CDH4: variants seen among roughly 807,000 people sequenced by gnomAD.
CDH4 encodes cadherin-4.
Under a neutral mutation model 86.0 loss-of-function variants are expected in CDH4, and 33 were observed. The observed-to-expected ratio is 0.38, with a 90% CI of 0.29 to 0.51. CDH4 has a LOEUF of 0.51. Among genes scored for constraint, CDH4 ranks in the 20% least tolerant of loss-of-function variants. The probability of loss-of-function intolerance (pLI) is 0.86; values close to 1 mark genes in which losing one functional copy is unlikely to be tolerated. For missense variants in CDH4, 1,114 were observed against 1,307.4 expected, an observed-to-expected ratio of 0.85 and a Z score of 2.28; for synonymous variants, 555 against 549.4, an observed-to-expected ratio of 1.01 and a Z score of -0.14.
intron 2 of CDH4, among the ~76,000 whole-genome samples, chr20:61,560,475 C>A (rs1010947227): frequency 1.3e-5 from 2 of 152,218 alleles, no homozygotes; most frequent in Non-Finnish European, 2.9e-5. Flanking sequence ...GGAAGTTATC[C>A]TGAAGATGCT....
intron 2 of CDH4, among the ~76,000 whole-genome samples, chr20:61,394,581 C>T: frequency 6.6e-6 from 1 of 151,686 alleles, no homozygotes; most frequent in East Asian, 2.0e-4. Context: ...CCGAAGAGAG[C>T]ACCAGGGCGG....
chr20:61,308,426 G>A (rs2084428902), intron 2 of CDH4, among the ~76,000 whole-genome samples: 1 of 152,218 alleles, frequency 6.6e-6, no homozygotes, highest in African/African-American at 2.4e-5. Flanking sequence ...AGGGCGAGGT[G>A]AAGTCGGTGA....
chr20:61,583,706 G>A (rs1214861653), intron 2 of CDH4, among the ~76,000 whole-genome samples: 1 of 152,176 alleles, frequency 6.6e-6, no homozygotes, highest in Non-Finnish European at 1.5e-5. Flanking sequence ...TAACATGTAG[G>A]GGTTATCAAC....
intron 4 of CDH4, among the ~76,000 whole-genome samples, chr20:61,828,272 C>T (rs957692849): frequency 6.6e-6 from 1 of 152,180 alleles, no homozygotes; most frequent in East Asian, 1.9e-4. Context: ...CCGCATCTAA[C>T]GAAAGCACCC....
chr20:61,847,353 G>A (rs1354812212), intron 5 of CDH4, among the ~76,000 whole-genome samples: 2 of 152,234 alleles, frequency 1.3e-5, no homozygotes, highest in Non-Finnish European at 2.9e-5. Flanking sequence ...GGGTCCGGCT[G>A]TGCAGGGCTA....
At chr20:61,420,141 C>T (rs2085169261) in intron 2 of CDH4, among the ~76,000 whole-genome samples, 1 of 152,258 alleles carries the variant, frequency 6.6e-6, no homozygotes, top group Non-Finnish European at 1.5e-5. Flanking sequence ...TGGGCTCTTA[C>T]AAGTGGTCTC....
At chr20:61,325,757 G>A (rs762606328) in intron 2 of CDH4, among the ~76,000 whole-genome samples, 15 of 152,120 alleles carry the variant, frequency 9.9e-5, no homozygotes, top group Admixed American at 2.6e-4. Context: ...AAAAAGCAGC[G>A]CTGTCTGTAA....
intron 2 of CDH4, among the ~76,000 whole-genome samples, chr20:61,482,457 C>T (rs761212092): frequency 4.0e-4 from 61 of 152,180 alleles, no homozygotes; most frequent in Non-Finnish European, 6.6e-4. Flanking sequence ...CTTGTGGCCC[C>T]ACCCAAGTCC....
At chr20:61,567,765 C>T (rs531923554) in intron 2 of CDH4, among the ~76,000 whole-genome samples, 2 of 152,092 alleles carry the variant, frequency 1.3e-5, no homozygotes, top group South Asian at 2.1e-4. Flanking sequence ...GAGGATTGTT[C>T]GAGGCTAGAA....
At chr20:61,513,782 G>C (rs1332461028) in intron 2 of CDH4, among the ~76,000 whole-genome samples, 1 of 152,238 alleles carries the variant, frequency 6.6e-6, no homozygotes, top group East Asian at 1.9e-4. Context: ...GGCCCCTCTG[G>C]CCACCCACTC....
At chr20:61,870,101 A>G (rs1983731495) in intron 6 of CDH4, among the ~76,000 whole-genome samples, 1 of 152,164 alleles carries the variant, frequency 6.6e-6, no homozygotes, top group African/African-American at 2.4e-5. Context: ...AGGTGCTGGG[A>G]GTCCTGGGCT....
intron 2 of CDH4, among the ~76,000 whole-genome samples, chr20:61,402,088 T>A (rs1892324): frequency 0.022 from 3,352 of 151,732 alleles, 99 homozygotes; most frequent in African/African-American, 0.059. Context: ...AGAATGGATT[T>A]TTATAATAAT....
At position 61,318,035 on chromosome 20, in the gene CDH4, T is replaced by A. The variant is rs1027829860; in HGVS notation, c.169+63098T>A. Among the ~76,000 whole-genome samples, 4 of 152,144 alleles carry A rather than the reference T, an allele frequency of 2.6e-5. 1 individual carries two copies. In the South Asian group the frequency reaches 8.3e-4, roughly 32 times the overall value. On this transcript the variant is annotated intron_variant, in intron 2 of 15. Transcript: ENST00000614565. ...TAGAGGTTAAGAGACCCAGAGAGAC[T>A]AAAGGGCTGGAGGGTGGTTTCCTGC...
At chr20:61,929,384 C>T (rs1030008366) in intron 12 of CDH4, among the ~76,000 whole-genome samples, 1 of 152,214 alleles carries the variant, frequency 6.6e-6, no homozygotes, top group African/African-American at 2.4e-5. Context: ...GTGATCTGCC[C>T]ACCTCAGCCT....
Position 61,681,169 on chromosome 20 carries a change from C to T in CDH4, c.170-62394C>T, listed in dbSNP as rs747951595. On this transcript the variant is annotated intron_variant, in intron 2 of 15. Transcript: ENST00000614565. This position sits in a 1 kb window ranked among gnomAD's most constrained non-coding sequence, Gnocchi z 4.5. ...GTCTCTGCAAGGGTAAAACACCCGC[C>T]CTCACGTCCTAATGGCTTTTTTTCT... Among the ~76,000 whole-genome samples, 1 of 152,178 alleles carries T rather than the reference C, an allele frequency of 6.6e-6. No individual in the cohort carries two copies. The highest frequency in any genetic ancestry group is 1.5e-5 in the Non-Finnish European group (1 of 68,038).
chr20:61,528,079 AAAG>A (rs927169223), intron 2 of CDH4, among the ~76,000 whole-genome samples: 2 of 152,114 alleles, frequency 1.3e-5, no homozygotes, highest in Admixed American at 1.3e-4. Flanking sequence ...TAACTTTAAA[AAAG>A]AAGAAAAAAC....
intron 2 of CDH4, among the ~76,000 whole-genome samples, chr20:61,400,975 G>A (rs2085046352): frequency 2.0e-5 from 3 of 152,114 alleles, no homozygotes; most frequent in South Asian, 2.1e-4. Flanking sequence ...TTTCACAGTC[G>A]CCAGCATGCA....
chr20:61,791,640 A>G (rs1462832632), intron 4 of CDH4, among the ~76,000 whole-genome samples: 11 of 152,140 alleles, frequency 7.2e-5, no homozygotes, highest in Non-Finnish European at 8.8e-5. Flanking sequence ...CACGGAAGGA[A>G]CCACAGGGAG....
chr20:61,350,852 A>T (rs186876880), intron 2 of CDH4, among the ~76,000 whole-genome samples: 1 of 144,534 alleles, frequency 6.9e-6, no homozygotes, highest in East Asian at 2.0e-4. Flanking sequence ...TTCCATGAGC[A>T]TGTCGCATGC....
Sources: gnomAD v4.1 joint callset for allele counts (sites outside exome capture counted in the v4.1 genomes callset) on GRCh38, gnomAD v4.1.1 for gene constraint, Gnocchi (gnomAD v3.1) non-coding constraint, MANE v1.5 for transcripts, NCBI Gene and HGNC (gene_info 2026-07-23, HGNC 2026-07-21) for gene names.